The following CNTNAP5 variants were observed in gnomAD, a reference collection of about 807,000 sequenced individuals.
CNTNAP5 encodes contactin associated protein family member 5.
A neutral mutation model predicts 150.2 loss-of-function variants in CNTNAP5; 72 were observed. That is an observed-to-expected ratio of 0.48 (90% CI 0.40 to 0.58). CNTNAP5 has a LOEUF of 0.58. CNTNAP5 is among the 20% of genes least tolerant of loss of function. CNTNAP5 has a pLI of 0.00. For synonymous variants in CNTNAP5, 672 were observed against 619.8 expected (o/e 1.08, Z -1.25); for missense variants, 1,636 against 1,626.2 (o/e 1.01, Z -0.10).
intron 17 of CNTNAP5, among the ~76,000 whole-genome samples, chr2:124,786,447 GAA>G (rs869102433): frequency 1.0e-5 from 1 of 99,880 alleles, no homozygotes; most frequent in African/African-American, 4.9e-5. Flanking sequence ...AGGAAGGAAG[GAA>G]AGAAAGAAAG....
chr2:124,370,662 A>G (rs991039948), intron 3 of CNTNAP5, among the ~76,000 whole-genome samples: 1 of 152,116 alleles, frequency 6.6e-6, no homozygotes, highest in African/African-American at 2.4e-5. Flanking sequence ...TTGAGATTTG[A>G]TATCACAATT....
rs115892389 is a variant in CNTNAP5, at chr2:124,690,185, C to T, written c.2077+42227C>T. On this transcript the variant is annotated intron_variant, in intron 13 of 23. Transcript: ENST00000682447. ...ATTAAAAACACATTAAGTATCAGCA[C>T]AAGGTCTATTATAGAAATGTGAAAC... Among the ~76,000 whole-genome samples, 1,197 of 152,152 alleles carry T rather than the reference C, an allele frequency of 7.9e-3. 22 individuals carry two copies. The highest frequency in any genetic ancestry group is 0.028 in the African/African-American group (1,149 of 41,536).
intron 2 of CNTNAP5, among the ~76,000 whole-genome samples, chr2:124,227,633 C>CGT (rs760848365): frequency 0.074 from 8,996 of 121,978 alleles, 343 homozygotes; most frequent in Middle Eastern, 0.1. Flanking sequence ...CTCAGCACAT[C>CGT]GTGTGTATGT....
intron 12 of CNTNAP5, among the ~76,000 whole-genome samples, chr2:124,630,383 G>A (rs183301513): frequency 6.6e-6 from 1 of 152,260 alleles, no homozygotes; most frequent in African/African-American, 2.4e-5. Context: ...CCACGATCAA[G>A]TTGGTTTCAT....
chr2:124,225,454 A>G (rs1318637634), intron 2 of CNTNAP5, among the ~76,000 whole-genome samples: 2 of 152,164 alleles, frequency 1.3e-5, no homozygotes, highest in Non-Finnish European at 1.5e-5. Context: ...TGTCATTTTT[A>G]TTAGTTCACT....
intron 6 of CNTNAP5, among the ~76,000 whole-genome samples, chr2:124,455,843 G>C (rs1317734865): frequency 6.6e-6 from 1 of 152,010 alleles, no homozygotes; most frequent in South Asian, 2.1e-4. Context: ...ATGCAGAAAA[G>C]GCATTTGGCA....
chr2:124,868,139 C>T (rs1450839077), intron 20 of CNTNAP5, among the ~76,000 whole-genome samples: 2 of 152,172 alleles, frequency 1.3e-5, no homozygotes, highest in Non-Finnish European at 2.9e-5. Context: ...CCCTGCTCCT[C>T]TTTAGGTTCC....
At chr2:124,029,342 C>T (rs1310249367) in intron 1 of CNTNAP5, among the ~76,000 whole-genome samples, 5 of 152,006 alleles carry the variant, frequency 3.3e-5, no homozygotes, top group Non-Finnish European at 5.9e-5. Flanking sequence ...CTTTTTGTGG[C>T]ATTTACAGTC....
intron 3 of CNTNAP5, among the ~76,000 whole-genome samples, chr2:124,268,526 A>G (rs1360335795): frequency 8.5e-5 from 13 of 152,200 alleles, no homozygotes; most frequent in African/African-American, 3.1e-4. Context: ...TACCTACCAT[A>G]TGCTTACTTA....
At chr2:124,467,237 C>A (rs779315758) in intron 6 of CNTNAP5, among the ~76,000 whole-genome samples, 1 of 152,058 alleles carries the variant, frequency 6.6e-6, no homozygotes, top group Non-Finnish European at 1.5e-5. Context: ...ATGCAGAGGC[C>A]CTAGAGCCTG....
At chr2:124,115,963 TG>T (rs1370928920) in intron 1 of CNTNAP5, among the ~76,000 whole-genome samples, 1 of 152,112 alleles carries the variant, frequency 6.6e-6, no homozygotes, top group Non-Finnish European at 1.5e-5. Flanking sequence ...GAGACCAAAC[TG>T]TGCTGGTTGG....
intron 13 of CNTNAP5, among the ~76,000 whole-genome samples, chr2:124,703,784 G>A (rs1243581413): frequency 6.6e-6 from 1 of 152,130 alleles, no homozygotes; most frequent in Admixed American, 6.5e-5. Flanking sequence ...ATCATAGAAG[G>A]TCAATGCCTG....
intron 16 of CNTNAP5, among the ~76,000 whole-genome samples, chr2:124,766,913 T>C (rs1681081079): frequency 6.6e-6 from 1 of 152,156 alleles, no homozygotes; most frequent in East Asian, 1.9e-4. Context: ...TTGGAGAACA[T>C]ATACTCTCCA....
chr2:124,328,177 T>A (rs1226458288), intron 3 of CNTNAP5, among the ~76,000 whole-genome samples: 1 of 152,228 alleles, frequency 6.6e-6, no homozygotes, highest in African/African-American at 2.4e-5. Flanking sequence ...TGTTCCCATT[T>A]TTCATTTATC....
At chr2:124,817,223 T>C (rs1682382958) in intron 19 of CNTNAP5, among the ~76,000 whole-genome samples, 1 of 152,222 alleles carries the variant, frequency 6.6e-6, no homozygotes, top group Non-Finnish European at 1.5e-5. Context: ...AATTAATCTG[T>C]GCTCTTAGAA....
At chr2:124,597,548 C>T (rs972772181) in intron 11 of CNTNAP5, among the ~76,000 whole-genome samples, 8 of 150,944 alleles carry the variant, frequency 5.3e-5, no homozygotes, top group East Asian at 2.0e-4. Flanking sequence ...GAGGGTAACC[C>T]GAACTTTTTC....
intron 12 of CNTNAP5, among the ~76,000 whole-genome samples, chr2:124,620,675 A>T (rs1424323933): frequency 2.0e-5 from 3 of 151,940 alleles, no homozygotes; most frequent in Non-Finnish European, 4.4e-5. Flanking sequence ...GTGTGGAGAC[A>T]ATAAAAAATT....
intron 12 of CNTNAP5, among the ~76,000 whole-genome samples, chr2:124,625,162 A>T (rs999437737): frequency 1.3e-5 from 2 of 152,096 alleles, no homozygotes; most frequent in Admixed American, 6.6e-5. Context: ...CCCTTAACTC[A>T]ATGCCATGGT....
intron 13 of CNTNAP5, among the ~76,000 whole-genome samples, chr2:124,736,945 T>C (rs1439964556): frequency 2.6e-5 from 4 of 152,214 alleles, no homozygotes; most frequent in Admixed American, 1.3e-4. Context: ...GAATACATTA[T>C]ACAAACAAAG....
Sources: allele counts gnomAD v4.1 joint callset (sites outside exome capture counted in the v4.1 genomes callset), GRCh38; gene constraint gnomAD v4.1.1; transcripts MANE v1.5; gene names NCBI Gene and HGNC (gene_info 2026-07-23, HGNC 2026-07-21).